Variants in TTI1 observed in about 807,000 individuals in gnomAD.
The protein encoded by TTI1 is TELO2 interacting protein 1.
A neutral mutation model predicts 85.4 loss-of-function variants in TTI1; 52 were observed. The observed-to-expected ratio is 0.61, with a 90% CI of 0.49 to 0.77. The LOEUF (loss-of-function observed/expected upper bound fraction) is 0.77, where lower values mean the gene tolerates loss of function less well. TTI1 is among the 30% of genes least tolerant of loss of function. The probability of loss-of-function intolerance (pLI) is 0.00; values close to 1 mark genes in which losing one functional copy is unlikely to be tolerated. For missense variants in TTI1, 1,173 were observed against 1,296.0 expected, an observed-to-expected ratio of 0.91 and a Z score of 1.46; for synonymous variants, 512 against 503.9, an observed-to-expected ratio of 1.02 and a Z score of -0.22.
intron 1 of TTI1, among the ~76,000 whole-genome samples, chr20:38,027,127 G>C (rs2073846497): frequency 6.6e-6 from 1 of 152,106 alleles, no homozygotes; most frequent in African/African-American, 2.4e-5. Flanking sequence ...TAAACAGAAA[G>C]AAACAAAATA....
chr20:37,987,130 C>T (rs2073201603), intron 7 of TTI1: 1 of 456,566 alleles, frequency 2.2e-6, no homozygotes, highest in African/African-American at 2.0e-5. Context: ...GCTTTAAGCC[C>T]CTGGGAGCTG....
intron 1 of TTI1, among the ~76,000 whole-genome samples, chr20:38,030,243 G>C (rs890042622): frequency 6.6e-6 from 1 of 151,430 alleles, no homozygotes; most frequent in Non-Finnish European, 1.5e-5. Context: ...GAGGGAGGAA[G>C]GAGGAAGGAG....
rs1416144801 is a variant in TTI1, at chr20:38,011,961, G to A, written c.1856C>T (p.Ser619Phe). 1.2e-6 allele frequency: 2 copies of A among 1,614,112 alleles called. No homozygotes were observed. Among genetic ancestry groups the A allele is most frequent in the East Asian group, 4.5e-5 (2 of 44,900 alleles). Reference sequence around the variant, plus strand: ...TATTTGCCAGATGTTACTGTTCATGGAGCAAATAGTGGGACTTGGCTTTGA... The same window carrying A: ...TATTTGCCAGATGTTACTGTTCATGAAGCAAATAGTGGGACTTGGCTTTGA... ...AFSKPSPTICSMNSNIWQICI... is the reference protein window; with the variant it reads ...AFSKPSPTICFMNSNIWQICI... Residue 619 changes from serine (S) to phenylalanine (F), a missense_variant, in exon 2 of 8, where the codon TCC becomes TTC. Transcript: ENST00000373447.
chr20:38,020,326 AT>A lies in TTI1; in HGVS notation c.-41-6470del, dbSNP rs1568629095. 7.5e-3 allele frequency among the ~76,000 whole-genome samples: 580 copies of A among 77,482 alleles called. 3 individuals are homozygous for A. The highest frequency in any genetic ancestry group is 0.025 in the African/African-American group (491 of 19,470). 50.8% of individuals were successfully genotyped at this position (77,482 alleles called of 152,430 possible). ...TACTCATATGAAAAAAAAAAAAAATATATATATATATATATATATATATATA... is the reference window on the plus strand; with the variant it reads ...TACTCATATGAAAAAAAAAAAAAATAATATATATATATATATATATATATA... On this transcript the variant is annotated intron_variant, in intron 1 of 7. Transcript: ENST00000373447.
intron 5 of TTI1, among the ~76,000 whole-genome samples, 158 bp from the exon 6 acceptor site, chr20:37,997,111 C>G (rs1036266927): frequency 5.5e-4 from 83 of 151,944 alleles, no homozygotes; most frequent in African/African-American, 1.9e-3. Flanking sequence ...GTGATTCTGA[C>G]AGTTATGAAT....
intron 7 of TTI1, among the ~76,000 whole-genome samples, chr20:37,984,909 CA>C (rs1218035302): frequency 4.6e-5 from 7 of 152,070 alleles, no homozygotes; most frequent in Non-Finnish European, 1.0e-4. Context: ...GCAATGTGTC[CA>C]TGTAACAATG....
At position 38,006,313 on chromosome 20, in the gene TTI1, G is replaced by C. The variant is rs770495768; in HGVS notation, c.2387C>G (p.Pro796Arg). Residue 796 changes from proline (P) to arginine (R), a missense_variant, in exon 3 of 8, where the codon CCA (proline) becomes CGA (arginine). Pro to Arg is a moderately radical substitution (Grantham distance 103). Coordinates refer to ENST00000373447, the MANE Select transcript of TTI1 (RefSeq NM_001303457.2). ...GGTGGTGCTCTTCTCAAGAGCTGCT[G>C]GTCTTTGGTTCAAATGACTTCCCTC... ...GEEGSHLNQR[P>R]AALEKSTTTA... 29 of 1,614,018 alleles carry C rather than the reference G, an allele frequency of 1.8e-5. No individual in the cohort carries two copies. The East Asian group carries it at 6.5e-4, about 36-fold the overall frequency.
chr20:37,990,920 C>T (rs1600604055), intron 7 of TTI1, among the ~76,000 whole-genome samples: 1 of 152,196 alleles, frequency 6.6e-6, no homozygotes, highest in African/African-American at 2.4e-5. Flanking sequence ...GAAGAAGGGA[C>T]AGAATTGGCA....
In TTI1 at chr20:37,996,857, C is replaced by A. The variant is rs1382965830; in HGVS notation, c.2890G>T (p.Ala964Ser). 6.2e-7 allele frequency: 1 copy of A among 1,614,040 alleles called. No homozygotes were observed. Among genetic ancestry groups the A allele is most frequent in the Non-Finnish European group, 8.5e-7 (1 of 1,180,034 alleles). ...PKLAGSLVTQ[A>S]PISARAGPVY... ...GGTCCAGCCCTGGCACTGATGGGGG[C>A]CTGGGTGACTAGGGAGCCAGCCAGC... The change falls in exon 6 of 8, where the codon GCC (alanine) becomes TCC (serine). Residue 964 changes from alanine to serine, a missense_variant. Ala to Ser is a moderately conservative substitution (Grantham distance 99). Transcript: ENST00000373447.
chr20:37,999,460 C>A, intron 4 of TTI1, 132 bp from the exon 5 acceptor site: 2 of 974,820 alleles, frequency 2.1e-6, no homozygotes, highest in Non-Finnish European at 1.4e-6. Context: ...TGACTACATG[C>A]CAAGCACTAG....
chr20:37,989,787 T>C (rs2073238543), intron 7 of TTI1, among the ~76,000 whole-genome samples: 3 of 152,248 alleles, frequency 2.0e-5, no homozygotes, highest in Admixed American at 2.0e-4. Flanking sequence ...ACCTCCTGCC[T>C]GAACTGTTTT....
chr20:38,000,743 A>G (rs903191425), intron 4 of TTI1, among the ~76,000 whole-genome samples: 6 of 152,232 alleles, frequency 3.9e-5, no homozygotes, highest in Admixed American at 1.3e-4. Context: ...TGGCTTTGGT[A>G]TCACTGACAG....
intron 1 of TTI1, among the ~76,000 whole-genome samples, chr20:38,024,321 T>A (rs2073808763): frequency 6.6e-6 from 1 of 152,176 alleles, no homozygotes; most frequent in South Asian, 2.1e-4. Context: ...CTTAAGCTTC[T>A]CGGGAGATGG....
intron 1 of TTI1, among the ~76,000 whole-genome samples, chr20:38,024,060 T>C (rs992610929): frequency 6.6e-6 from 1 of 152,168 alleles, no homozygotes; most frequent in Admixed American, 6.5e-5. Context: ...ACTATGTGCC[T>C]GTTCCCTCCA....
At chr20:38,006,500 T>C (rs761343194) in intron 2 of TTI1, 103 bp from the exon 3 acceptor site, 109 of 1,307,050 alleles carry the variant, frequency 8.3e-5, no homozygotes, top group Non-Finnish European at 1.1e-4. Flanking sequence ...AGCCCCCACA[T>C]GATTCAGTCC....
intron 7 of TTI1, among the ~76,000 whole-genome samples, chr20:37,986,157 C>A (rs913355701): frequency 1.3e-5 from 2 of 152,188 alleles, no homozygotes; most frequent in African/African-American, 4.8e-5. Context: ...TTGATTTTTT[C>A]CCCTTTCAAG....
chr20:38,017,423 TGTGTGTGTGTGTGCGCGCGCGCCTTTG>T (rs1429827987), intron 1 of TTI1, among the ~76,000 whole-genome samples: 3 of 151,458 alleles, frequency 2.0e-5, no homozygotes, highest in Non-Finnish European at 4.4e-5. Flanking sequence ...TGTGTGTGTG[TGTGTGTGTGTGTGCGCGCGCGCCTTTG>T]GTGTGTGCGC....
At chr20:37,985,717 G>A (rs569134462) in intron 7 of TTI1, among the ~76,000 whole-genome samples, 19 of 152,034 alleles carry the variant, frequency 1.2e-4, no homozygotes, top group Admixed American at 2.6e-4. Flanking sequence ...TAGTAGAGAC[G>A]GGGTTTCACC....
At chr20:38,023,185 A>C (rs2073792583) in intron 1 of TTI1, among the ~76,000 whole-genome samples, 1 of 152,208 alleles carries the variant, frequency 6.6e-6, no homozygotes, top group Admixed American at 6.5e-5. Flanking sequence ...AGGCTCAGAG[A>C]GGTTCAGTGA....
Sources: gnomAD v4.1 joint callset for allele counts (sites outside exome capture counted in the v4.1 genomes callset) on GRCh38, gnomAD v4.1.1 for gene constraint, MANE v1.5 for transcripts, NCBI Gene and HGNC (gene_info 2026-07-23, HGNC 2026-07-21) for gene names.